Variants in MGAT4C observed in about 807,000 individuals in gnomAD.
The protein encoded by MGAT4C is alpha-1,3-mannosyl-glycoprotein 4-beta-N-acetylglucosaminyltransferase C.
Under a neutral mutation model 40.1 loss-of-function variants are expected in MGAT4C, and 19 were observed. The observed-to-expected ratio is 0.47, with a 90% CI of 0.33 to 0.70. MGAT4C has a LOEUF of 0.70. Among genes scored for constraint, MGAT4C ranks in the 30% least tolerant of loss-of-function variants. MGAT4C has a pLI of 0.02. For synonymous variants in MGAT4C, 181 were observed against 187.1 expected (o/e 0.97, Z 0.27); for missense variants, 491 against 563.2 (o/e 0.87, Z 1.30).
chr12:86,257,156 TC>T (rs577992535), upstream of MGAT4C, among the ~76,000 whole-genome samples: 9 of 152,198 alleles, frequency 5.9e-5, no homozygotes, highest in Non-Finnish European at 8.8e-5. Flanking sequence ...ATAGTGCTGT[TC>T]TTTTTGAGCA....
chr12:86,754,923 C>A (rs1015146938), intron 1 of MGAT4C, among the ~76,000 whole-genome samples: 15 of 151,956 alleles, frequency 9.9e-5, no homozygotes, highest in African/African-American at 3.6e-4. Flanking sequence ...TTCAATCAGA[C>A]TTTAGTTTTT....
chr12:86,180,544 G>A (rs939293489), intron 1 of MGAT4C, among the ~76,000 whole-genome samples: 1 of 152,182 alleles, frequency 6.6e-6, no homozygotes, highest in Non-Finnish European at 1.5e-5. Context: ...AGACACAGGG[G>A]CAGAGCTGCC....
chr12:86,655,262 G>A (rs1372791043), intron 2 of MGAT4C, among the ~76,000 whole-genome samples: 1 of 151,998 alleles, frequency 6.6e-6, no homozygotes, highest in African/African-American at 2.4e-5. Context: ...AATTCCTCAA[G>A]GATCTAGAAC....
intron 3 of MGAT4C, among the ~76,000 whole-genome samples, chr12:86,371,916 T>C (rs1455045726): frequency 6.6e-6 from 1 of 151,830 alleles, no homozygotes; most frequent in Non-Finnish European, 1.5e-5. Context: ...TTCCTGGAAA[T>C]AAAAAATGTG....
At chr12:86,531,196 C>T (rs1333858218) in intron 2 of MGAT4C, among the ~76,000 whole-genome samples, 1 of 152,106 alleles carries the variant, frequency 6.6e-6, no homozygotes, top group Admixed American at 6.6e-5. Flanking sequence ...TCAGATATGA[C>T]AGTCTTTGTG....
At chr12:86,507,403 T>A (rs1190901444) in intron 2 of MGAT4C, among the ~76,000 whole-genome samples, 1 of 152,184 alleles carries the variant, frequency 6.6e-6, no homozygotes, top group African/African-American at 2.4e-5. Flanking sequence ...GGCATGTGCT[T>A]TGACTTGAGG....
intron 2 of MGAT4C, among the ~76,000 whole-genome samples, chr12:86,600,236 G>A (rs185537947): frequency 8.5e-5 from 13 of 152,246 alleles, no homozygotes; most frequent in Non-Finnish European, 1.5e-4. Context: ...GATATAAGTT[G>A]GTCAGTTGTG....
intron 2 of MGAT4C, among the ~76,000 whole-genome samples, chr12:86,689,346 AT>A (rs1950132654): frequency 1.3e-5 from 2 of 152,168 alleles, no homozygotes; most frequent in Admixed American, 1.3e-4. Context: ...TACTCTGTCA[AT>A]TTATCAAATT....
chr12:86,744,209 G>A (rs1020438815), intron 1 of MGAT4C, among the ~76,000 whole-genome samples: 3 of 151,406 alleles, frequency 2.0e-5, no homozygotes, highest in Admixed American at 1.3e-4. Flanking sequence ...CAGTTAGGGA[G>A]ACAACCACGG....
At chr12:86,574,934 C>T (rs1203273379) in intron 2 of MGAT4C, among the ~76,000 whole-genome samples, 1 of 151,784 alleles carries the variant, frequency 6.6e-6, no homozygotes, top group Non-Finnish European at 1.5e-5. Flanking sequence ...GTATCTACAT[C>T]TATCACTGGC....
chr12:86,106,126 C>A (rs996979543), intron 1 of MGAT4C, among the ~76,000 whole-genome samples: 1 of 152,138 alleles, frequency 6.6e-6, no homozygotes, highest in Non-Finnish European at 1.5e-5. Context: ...GTTTTACTTT[C>A]AGGCATTATT....
At chr12:86,670,598 A>G (rs1029218356) in intron 2 of MGAT4C, among the ~76,000 whole-genome samples, 10 of 152,196 alleles carry the variant, frequency 6.6e-5, no homozygotes, top group Admixed American at 4.6e-4. Flanking sequence ...CACCAATCCT[A>G]TAAGTTGTTC....
At chr12:86,303,547 A>C (rs1229623894) in intron 4 of MGAT4C, among the ~76,000 whole-genome samples, 1 of 110,314 alleles carries the variant, frequency 9.1e-6, no homozygotes, top group Non-Finnish European at 1.9e-5. Context: ...AGAATGATTG[A>C]AGGAAGACAC....
intron 2 of MGAT4C, among the ~76,000 whole-genome samples, chr12:86,537,227 G>C (rs61193851): frequency 8.6e-5 from 13 of 151,912 alleles, no homozygotes; most frequent in Non-Finnish European, 1.0e-4. Context: ...GTTGTGGGGT[G>C]TGGGGAGAGG....
chr12:86,643,945 A>G (rs1963464302), intron 2 of MGAT4C, among the ~76,000 whole-genome samples: 1 of 151,770 alleles, frequency 6.6e-6, no homozygotes, highest in African/African-American at 2.4e-5. Context: ...ATTAATCTCA[A>G]TAAGAATAAT....
intron 1 of MGAT4C, among the ~76,000 whole-genome samples, chr12:86,255,294 A>G (rs1952469843): frequency 6.6e-6 from 1 of 152,106 alleles, no homozygotes; most frequent in South Asian, 2.1e-4. Context: ...ATAATAATAG[A>G]CAACATTTGA....
rs567093973 is a variant in MGAT4C, at chr12:86,183,571, A to G, written c.-57+72668T>C. Among the ~76,000 whole-genome samples, 13 of 152,316 alleles carry G rather than the reference A, an allele frequency of 8.5e-5. No homozygotes were observed. The South Asian group carries it at 2.5e-3, about 29-fold the overall frequency. On this transcript the variant is annotated intron_variant, in intron 1 of 4. Transcript: ENST00000611864. Reference sequence around the variant, plus strand: ...ATTGTTTTAATCAGCTCAGGCTACCATAACAAGAACATCATAAATTGAGTG... The same window carrying G: ...ATTGTTTTAATCAGCTCAGGCTACCGTAACAAGAACATCATAAATTGAGTG...
intron 1 of MGAT4C, among the ~76,000 whole-genome samples, chr12:86,132,551 T>A (rs982677280): frequency 2.0e-5 from 3 of 152,110 alleles, no homozygotes; most frequent in Non-Finnish European, 4.4e-5. Context: ...CCCAGCACTT[T>A]GGGATGCCAA....
chr12:86,704,041 CA>C (rs1239242283), intron 2 of MGAT4C, among the ~76,000 whole-genome samples: 1 of 151,628 alleles, frequency 6.6e-6, no homozygotes, highest in Non-Finnish European at 1.5e-5. Flanking sequence ...ACTTTTATAG[CA>C]AATATGTAAT....
Sources: gnomAD v4.1 joint callset for allele counts (sites outside exome capture counted in the v4.1 genomes callset) on GRCh38, gnomAD v4.1.1 for gene constraint, MANE v1.5 for transcripts, NCBI Gene and HGNC (gene_info 2026-07-23, HGNC 2026-07-21) for gene names.